FKBP5: variants seen among roughly 807,000 people sequenced by gnomAD.
The protein encoded by FKBP5 is peptidyl-prolyl cis-trans isomerase FKBP5.
FKBP5 carries 23 observed loss-of-function variants against 50.5 expected under a neutral mutation model. The ratio of observed to expected loss-of-function variants is 0.46; its 90% CI spans 0.33 to 0.65. FKBP5 has a LOEUF of 0.65. Among genes scored for constraint, FKBP5 ranks in the 30% least tolerant of loss-of-function variants. The pLI is 0.02. For synonymous variants in FKBP5, 176 were observed against 190.6 expected (o/e 0.92, Z 0.63); for missense variants, 411 against 553.1 (o/e 0.74, Z 2.58).
intron 2 of FKBP5, among the ~76,000 whole-genome samples, chr6:35,705,238 ATATATATATATATATATATATTT>A (rs1766277379): frequency 5.8e-5 from 2 of 34,714 alleles, no homozygotes; most frequent in Admixed American, 7.5e-4. Context: ...ATATATATAT[ATATATATATATATATATATATTT>A]TTTTTTTTTT....
chr6:35,649,355 A>G (rs553523948), intron 1 of FKBP5, among the ~76,000 whole-genome samples: 1 of 151,714 alleles, frequency 6.6e-6, no homozygotes, highest in East Asian at 1.9e-4. Flanking sequence ...TGTAGATGCA[A>G]TTACCTCTGA....
At chr6:35,578,043 G>C (rs1385277255) in intron 9 of FKBP5, among the ~76,000 whole-genome samples, 1 of 117,234 alleles carries the variant, frequency 8.5e-6, no homozygotes, top group Non-Finnish European at 1.7e-5. Flanking sequence ...GACAGAGTGA[G>C]ACTCTTGTCT....
chr6:35,629,259 C>T (rs1053829338), intron 3 of FKBP5, among the ~76,000 whole-genome samples: 9 of 151,956 alleles, frequency 5.9e-5, no homozygotes. Flanking sequence ...GCGTGCACCA[C>T]CACGCCTGGC....
At chr6:35,597,542 G>GTGTC in intron 5 of FKBP5, 138 bp from the exon 6 acceptor site, 6 of 1,029,864 alleles carry the variant, frequency 5.8e-6, no homozygotes, top group Non-Finnish European at 6.8e-6. Context: ...CACACAGTGT[G>GTGTC]TCTTGGTGAA....
chr6:35,584,232 T>C (rs1399746487), intron 8 of FKBP5: 1 of 985,456 alleles, frequency 1.0e-6, no homozygotes, highest in Non-Finnish European at 1.2e-6. Flanking sequence ...TAGAGTTCTC[T>C]ATTTTTCTTC....
chr6:35,615,155 T>TACACACACACACACACACACAC (rs34301531), intron 5 of FKBP5, among the ~76,000 whole-genome samples: 5 of 143,542 alleles, frequency 3.5e-5, no homozygotes, highest in South Asian at 4.6e-4. Flanking sequence ...CAACAACAAC[T>TACACACACACACACACACACAC]ACACACACAC....
In FKBP5 at chr6:35,666,394, TAAAAA is replaced by T. The variant is rs550878351; in HGVS notation, c.-20+22405_-20+22409del. On this transcript the variant is annotated intron_variant, in intron 1 of 10. Coordinates refer to ENST00000357266, the MANE Select transcript of FKBP5 (RefSeq NM_004117.4). ...CATGCAGAAACACTACTATTATAGTTAAAAAAAAAAAAAAAAAAAAAAAAAGGAGG... is the reference window on the plus strand; with the variant it reads ...CATGCAGAAACACTACTATTATAGTTAAAAAAAAAAAAAAAAAAAAGGAGG... Among the ~76,000 whole-genome samples, 206 of 33,254 alleles carry T rather than the reference TAAAAA, an allele frequency of 6.2e-3. 5 individuals carry two copies. The highest frequency in any genetic ancestry group is 0.023 in the Admixed American group (60 of 2,576). The allele number at this position is 33,254 out of a possible 152,430, so 21.8% of individuals were successfully genotyped here.
At chr6:35,627,928 A>ATTT (rs35468991) in intron 3 of FKBP5, among the ~76,000 whole-genome samples, 3,955 of 108,366 alleles carry the variant, frequency 0.036, 145 homozygotes, top group Middle Eastern at 0.066. Context: ...TGCCCAGCTA[A>ATTT]TTTTTTTTTT....
At chr6:35,592,462 C>T (rs1762851409) in intron 6 of FKBP5, among the ~76,000 whole-genome samples, 1 of 150,554 alleles carries the variant, frequency 6.6e-6, no homozygotes, top group South Asian at 2.1e-4. Context: ...GTATCTTCCA[C>T]AAAGACATAA....
intron 1 of FKBP5, among the ~76,000 whole-genome samples, chr6:35,675,609 A>G (rs553965878): frequency 1.3e-5 from 2 of 152,262 alleles, no homozygotes; most frequent in South Asian, 4.1e-4. Context: ...TCCCCAGCCT[A>G]CCACAAAACA....
rs189214825 is a variant in FKBP5, at chr6:35,638,999, T to A, written c.106-1841A>T. Reference sequence around the variant, plus strand: ...CAGCAAGTGGTACTATGGTATCACTTCAGGCTTCCCTAGCAAGATGAATTT... The same window carrying A: ...CAGCAAGTGGTACTATGGTATCACTACAGGCTTCCCTAGCAAGATGAATTT... On this transcript the variant is annotated intron_variant, in intron 2 of 10. Coordinates refer to ENST00000357266, the MANE Select transcript of FKBP5 (RefSeq NM_004117.4). Among the ~76,000 whole-genome samples the A allele has an allele frequency of 6.8e-5, 9 of 131,664 alleles. No individual in the cohort carries two copies. The East Asian group carries it at 1.7e-3, about 25-fold the overall frequency. The allele number at this position is 131,664 out of a possible 152,430, so 86.4% of individuals were successfully genotyped here.
intron 1 of FKBP5, among the ~76,000 whole-genome samples, chr6:35,650,851 G>A (rs944599053): frequency 2.6e-5 from 4 of 152,118 alleles, no homozygotes; most frequent in African/African-American, 9.7e-5. Context: ...TTTGGTGGGT[G>A]GGTGGGTATG....
Position 35,620,223 on chromosome 6 carries a change from TCTC to T in FKBP5, c.299_301del (p.Gly100del). ...TGGTTTGCACAGTAAATGGCATATC[TCTC>T]CTTTCTTCATGGTAGCCACCCCAAT... On this transcript the variant is annotated inframe_deletion, in exon 4 of 11. Transcript: ENST00000357266. 1 of 1,614,132 alleles carries T rather than the reference TCTC, an allele frequency of 6.2e-7. No homozygotes were observed. Among genetic ancestry groups the T allele is most frequent in the Non-Finnish European group, 8.5e-7 (1 of 1,180,010 alleles).
At chr6:35,726,439 A>T (rs1326447086) in intron 1 of FKBP5, among the ~76,000 whole-genome samples, 1 of 151,968 alleles carries the variant, frequency 6.6e-6, no homozygotes, top group African/African-American at 2.4e-5. Flanking sequence ...AACCTTAAAT[A>T]TTAGAGATAA....
rs144433568 is a variant in FKBP5, at chr6:35,653,737, T to C, written c.-19-10894A>G. 4.1e-4 allele frequency among the ~76,000 whole-genome samples: 63 copies of C among 152,226 alleles called. 1 individual carries two copies. In the East Asian group the frequency reaches 0.012, roughly 28 times the overall value. Reference sequence around the variant, plus strand: ...TGAAGTCTTCATCAGTATATCCATATTAAAAGGAGATGACAGAAGCCAAAA... The same window carrying C: ...TGAAGTCTTCATCAGTATATCCATACTAAAAGGAGATGACAGAAGCCAAAA... On this transcript the variant is annotated intron_variant, in intron 1 of 10. Coordinates refer to ENST00000357266, the MANE Select transcript of FKBP5 (RefSeq NM_004117.4).
At chr6:35,581,292 A>G in intron 8 of FKBP5, 2 of 431,178 alleles carry the variant, frequency 4.6e-6, no homozygotes, top group Non-Finnish European at 3.1e-6. Context: ...TATAATATAT[A>G]TATATATACA....
At chr6:35,651,329 A>C (rs1477836766) in intron 1 of FKBP5, among the ~76,000 whole-genome samples, 1 of 152,212 alleles carries the variant, frequency 6.6e-6, no homozygotes, top group Non-Finnish European at 1.5e-5. Flanking sequence ...GGGAAAAAAG[A>C]TGAAACATTT....
chr6:35,614,249 AG>A (rs769409826), intron 5 of FKBP5, among the ~76,000 whole-genome samples: 1 of 152,238 alleles, frequency 6.6e-6, no homozygotes, highest in Admixed American at 6.5e-5. Context: ...AATAAAATAC[AG>A]GAAGAAAAAC....
intron 5 of FKBP5, among the ~76,000 whole-genome samples, chr6:35,600,536 C>T (rs1271163322): frequency 1.0e-5 from 1 of 99,504 alleles, no homozygotes; most frequent in Non-Finnish European, 2.1e-5. Flanking sequence ...ACTAATAACA[C>T]TTTTCATAAA....
Sources: allele counts gnomAD v4.1 joint callset (sites outside exome capture counted in the v4.1 genomes callset), GRCh38; gene constraint gnomAD v4.1.1; transcripts MANE v1.5; gene names NCBI Gene and HGNC (gene_info 2026-07-23, HGNC 2026-07-21).